GRAMD1C: variants seen among roughly 807,000 people sequenced by gnomAD.
The protein encoded by GRAMD1C is protein Aster-C.
In GRAMD1C, 89 loss-of-function variants were observed where a neutral mutation model predicts 97.8. That is an observed-to-expected ratio of 0.91 (90% CI 0.77 to 1.09). The LOEUF (loss-of-function observed/expected upper bound fraction) is 1.09. Ranked by LOEUF, GRAMD1C falls within the 50% of genes least tolerant of loss-of-function variation. The probability of loss-of-function intolerance (pLI) is 0.00; values close to 1 mark genes in which losing one functional copy is unlikely to be tolerated. For missense variants in GRAMD1C, 740 were observed against 766.4 expected (o/e 0.97, Z 0.41); for synonymous variants, 256 against 267.0 (o/e 0.96, Z 0.40).
At chr3:113,918,908 C>T (rs940551997) in intron 10 of GRAMD1C, among the ~76,000 whole-genome samples, 2 of 152,146 alleles carry the variant, frequency 1.3e-5, no homozygotes, top group African/African-American at 4.8e-5. Flanking sequence ...GTTGCCCAGG[C>T]TGGTCTTACA....
chr3:113,881,715 GTTA>G (rs1271763959), intron 5 of GRAMD1C, among the ~76,000 whole-genome samples: 1 of 152,022 alleles, frequency 6.6e-6, no homozygotes, highest in Non-Finnish European at 1.5e-5. Flanking sequence ...GGGTTGTAAG[GTTA>G]TTATGATTAG....
rs901998959 is a variant in GRAMD1C, at chr3:113,869,546, A to G, written c.214A>G (p.Arg72Gly). 1 of 1,552,798 alleles carries G rather than the reference A, an allele frequency of 6.4e-7. No individual in the cohort carries two copies. The highest frequency in any genetic ancestry group is 1.8e-5 in the Admixed American group (1 of 54,652). Reference protein sequence around the residue: ...STYKDRNEEYRRQFTHLPDTE... With the variant: ...STYKDRNEEYGRQFTHLPDTE... ...CTATAAAGACAGGAATGAGGAATAC[A>G]GAAGACAGTTCACACATCTACCTGA... The change falls in exon 3 of 18, where the codon AGA becomes GGA. Residue 72 changes from arginine (R) to glycine (G), a missense_variant. Coordinates refer to ENST00000358160, the MANE Select transcript of GRAMD1C (RefSeq NM_017577.5).
intron 17 of GRAMD1C, among the ~76,000 whole-genome samples, chr3:113,940,745 A>G (rs1937735908): frequency 1.3e-5 from 2 of 152,174 alleles, no homozygotes; most frequent in East Asian, 3.8e-4. Context: ...TTATCTATTA[A>G]CCATATATCT....
chr3:113,857,758 T>C (rs1934207820), intron 2 of GRAMD1C, among the ~76,000 whole-genome samples: 1 of 152,194 alleles, frequency 6.6e-6, no homozygotes, highest in Non-Finnish European at 1.5e-5. Flanking sequence ...AGTGATATGA[T>C]TGTGTAATTT....
Position 113,884,836 on chromosome 3 carries a change from CAAAAAAAAGAAA to C in GRAMD1C, c.540+2020_540+2031del, listed in dbSNP as rs369254210. Among the ~76,000 whole-genome samples the C allele has an allele frequency of 2.1e-3, 306 of 144,568 alleles. 3 individuals carry two copies. Among genetic ancestry groups the C allele is most frequent in the Middle Eastern group, 7.0e-3 (2 of 284 alleles). 94.8% of individuals were successfully genotyped at this position (144,568 alleles called of 152,430 possible). A position where few individuals can be genotyped will look rare whatever the true frequency, so the allele number is the denominator to read the frequency against. ...CCTGGGCGACAGTGAGACTCTGTCT[CAAAAAAAAGAAA>C]AAAAAAAAGAAAAAAGAGAGAGGCG... On this transcript the variant is annotated intron_variant, in intron 6 of 17. Transcript: ENST00000358160.
chr3:113,922,502 A>G (rs1274966377), intron 10 of GRAMD1C, among the ~76,000 whole-genome samples: 1 of 152,236 alleles, frequency 6.6e-6, no homozygotes, highest in Non-Finnish European at 1.5e-5. Flanking sequence ...ATGGCTAGCC[A>G]GTTATCCCAG....
intron 6 of GRAMD1C, among the ~76,000 whole-genome samples, chr3:113,892,984 C>T (rs994466936): frequency 6.6e-6 from 1 of 152,066 alleles, no homozygotes; most frequent in Non-Finnish European, 1.5e-5. Flanking sequence ...TATTTCATGA[C>T]ATGTGGCAAT....
At chr3:113,913,843 A>G (rs1231958793) in intron 9 of GRAMD1C, among the ~76,000 whole-genome samples, 4 of 152,356 alleles carry the variant, frequency 2.6e-5, no homozygotes, top group Non-Finnish European at 4.4e-5. Flanking sequence ...GTTGAAGTCA[A>G]TGAACTGAAG....
chr3:113,851,748 C>T (rs910287897), intron 2 of GRAMD1C, among the ~76,000 whole-genome samples: 1 of 152,076 alleles, frequency 6.6e-6, no homozygotes, highest in African/African-American at 2.4e-5. Flanking sequence ...AAGCTCCTGA[C>T]CTCAGGTGAT....
intron 17 of GRAMD1C, among the ~76,000 whole-genome samples, chr3:113,942,016 A>C (rs1314972781): frequency 6.6e-6 from 1 of 151,434 alleles, no homozygotes; most frequent in African/African-American, 2.4e-5. Context: ...CCTGGGCTCA[A>C]GCAAACCTCC....
At chr3:113,834,232 T>C (rs1478248807), upstream of GRAMD1C, among the ~76,000 whole-genome samples, 1 of 152,052 alleles carries the variant, frequency 6.6e-6, no homozygotes, top group South Asian at 2.1e-4. Context: ...CAGGCTGGAG[T>C]GTAGTGGTGC....
At chr3:113,839,087 AG>A (rs2108064585) in intron 1 of GRAMD1C, 151 bp downstream of exon 1, 2 of 531,250 alleles carry the variant, frequency 3.8e-6, no homozygotes, top group African/African-American at 3.9e-5. Flanking sequence ...GTTGTTACCG[AG>A]GAAACGGTTT....
intron 10 of GRAMD1C, chr3:113,920,195 A>G: frequency 7.6e-7 from 1 of 1,318,628 alleles, no homozygotes; most frequent in Non-Finnish European, 1.1e-6. Context: ...ACAGCCTGAA[A>G]TGTGAACTGA....
chr3:113,848,618 A>G (rs1933719317), intron 2 of GRAMD1C, among the ~76,000 whole-genome samples: 1 of 152,098 alleles, frequency 6.6e-6, no homozygotes, highest in Non-Finnish European at 1.5e-5. Context: ...CAACCTGAGC[A>G]ACATAGTAAG....
chr3:113,896,675 T>C (rs992880436), intron 6 of GRAMD1C, among the ~76,000 whole-genome samples: 2 of 152,236 alleles, frequency 1.3e-5, no homozygotes, highest in Admixed American at 1.3e-4. Context: ...GCTTTCTTCA[T>C]TTGAATGAGT....
intron 5 of GRAMD1C, among the ~76,000 whole-genome samples, chr3:113,877,660 G>A (rs1935097465): frequency 6.6e-6 from 1 of 152,102 alleles, no homozygotes; most frequent in South Asian, 2.1e-4. Context: ...CCTATCAGAT[G>A]GCACATGATT....
chr3:113,839,399 A>G (rs1577111273), intron 1 of GRAMD1C, among the ~76,000 whole-genome samples: 2 of 152,364 alleles, frequency 1.3e-5, no homozygotes, highest in East Asian at 1.9e-4. Context: ...CTTATTTGAC[A>G]AAACGGAAAG....
Position 113,928,714 on chromosome 3 carries a change from T to TA in GRAMD1C, c.1091-1998dup, listed in dbSNP as rs141167793. Among the ~76,000 whole-genome samples the TA allele has an allele frequency of 4.0e-3, 617 of 152,374 alleles. 6 individuals carry two copies. Among genetic ancestry groups the TA allele is most frequent in the African/African-American group, 0.014 (589 of 41,588 alleles). On this transcript the variant is annotated intron_variant, in intron 10 of 17. Transcript: ENST00000358160. ...CTCAAGGTGCCTTGCATAAGTGGAA[T>TA]AATACAATGTTTGTCCTTCTGTGAC...
At chr3:113,889,233 A>G (rs1935625742) in intron 6 of GRAMD1C, among the ~76,000 whole-genome samples, 1 of 152,208 alleles carries the variant, frequency 6.6e-6, no homozygotes, top group African/African-American at 2.4e-5. Flanking sequence ...GTGGAATATC[A>G]TTCAGTAATA....
Sources: allele counts gnomAD v4.1 joint callset (sites outside exome capture counted in the v4.1 genomes callset), GRCh38; gene constraint gnomAD v4.1.1; transcripts MANE v1.5; gene names NCBI Gene and HGNC (gene_info 2026-07-23, HGNC 2026-07-21).